INPP4B: variants seen among roughly 807,000 people sequenced by gnomAD.
INPP4B encodes inositol polyphosphate 4-phosphatase type II.
INPP4B carries 55 observed loss-of-function variants against 122.5 expected under a neutral mutation model. The observed-to-expected ratio is 0.45, with a 90% CI of 0.36 to 0.56. The LOEUF is 0.56. INPP4B is among the 20% of genes least tolerant of loss of function. INPP4B has a pLI of 0.00. For missense variants in INPP4B, 1,000 were observed against 1,097.7 expected (o/e 0.91, Z 1.26); for synonymous variants, 403 against 388.7 (o/e 1.04, Z -0.43).
chr4:142,620,106 A>G (rs1744565348), intron 2 of INPP4B, among the ~76,000 whole-genome samples: 1 of 152,018 alleles, frequency 6.6e-6, no homozygotes, highest in African/African-American at 2.4e-5. Flanking sequence ...GATTTCTTAA[A>G]GAAATTAAAA....
chr4:142,252,082 G>A (rs771980069), intron 11 of INPP4B, among the ~76,000 whole-genome samples: 1 of 152,006 alleles, frequency 6.6e-6, no homozygotes, highest in Non-Finnish European at 1.5e-5. Flanking sequence ...TTCCTCATTT[G>A]TGAAATATGG....
intron 7 of INPP4B, among the ~76,000 whole-genome samples, chr4:142,330,134 G>A (rs1458514078): frequency 6.6e-6 from 1 of 152,100 alleles, no homozygotes; most frequent in Non-Finnish European, 1.5e-5. Context: ...TATCTTCATT[G>A]TTACTTATCT....
rs754877383 is a variant in INPP4B, at chr4:142,082,060, G to A, written c.2613C>T (p.Phe871=). ...LRDEHQLHKD[F]FIRALDCMRR... Reference sequence around the variant, plus strand: ...TCATGCAATCCAGCGCTCGGATAAAGAAGTCCTTGTGTAACTGGTGCTCAT... The same window carrying A: ...TCATGCAATCCAGCGCTCGGATAAAAAAGTCCTTGTGTAACTGGTGCTCAT... Residue 871 remains phenylalanine (F), a synonymous_variant, in exon 25 of 26, where the codon TTC becomes TTT. Coordinates refer to ENST00000262992, the MANE Select transcript of INPP4B (RefSeq NM_001101669.3). 6.8e-7 allele frequency: 1 copy of A among 1,473,690 alleles called. No homozygotes were observed. The highest frequency in any genetic ancestry group is 2.3e-5 in the East Asian group (1 of 43,304). The allele number at this position is 1,473,690 out of a possible 1,614,324, so 91.3% of individuals were successfully genotyped here. A position where few individuals can be genotyped will look rare whatever the true frequency, so the allele number is the denominator to read the frequency against.
intron 1 of INPP4B, among the ~76,000 whole-genome samples, chr4:142,729,124 G>A (rs970976178): frequency 2.6e-4 from 39 of 152,130 alleles, no homozygotes; most frequent in Non-Finnish European, 4.1e-4. Context: ...TGCATGTGCA[G>A]CTCACAAGAG....
At chr4:142,299,243 C>T (rs571017867) in intron 9 of INPP4B, among the ~76,000 whole-genome samples, 2 of 123,792 alleles carry the variant, frequency 1.6e-5, no homozygotes, top group South Asian at 2.4e-4. Context: ...ACTGCAACTT[C>T]ACCCTCCTGG....
intron 9 of INPP4B, among the ~76,000 whole-genome samples, chr4:142,289,677 C>T (rs1755489256): frequency 6.6e-6 from 1 of 152,120 alleles, no homozygotes; most frequent in East Asian, 1.9e-4. Context: ...TAATGGCATC[C>T]ATCTCCATCC....
intron 14 of INPP4B, among the ~76,000 whole-genome samples, chr4:142,201,406 G>A (rs927080275): frequency 1.3e-5 from 2 of 151,960 alleles, no homozygotes; most frequent in Non-Finnish European, 2.9e-5. Flanking sequence ...TATTATCTTA[G>A]GTAATCTTCT....
intron 4 of INPP4B, among the ~76,000 whole-genome samples, chr4:142,430,454 T>C (rs1271986879): frequency 6.6e-6 from 1 of 152,096 alleles, no homozygotes; most frequent in Non-Finnish European, 1.5e-5. Context: ...AAAGAGAAGG[T>C]TAGGCATATA....
chr4:142,742,407 A>T (rs1327618075), intron 1 of INPP4B, among the ~76,000 whole-genome samples: 1 of 152,000 alleles, frequency 6.6e-6, no homozygotes, highest in African/African-American at 2.4e-5. Context: ...TCTGATTCCA[A>T]CTAACAAAAC....
intron 2 of INPP4B, among the ~76,000 whole-genome samples, chr4:142,483,849 G>T (rs1396991350): frequency 6.6e-6 from 1 of 152,034 alleles, no homozygotes; most frequent in Non-Finnish European, 1.5e-5. Context: ...AGGATCCAGG[G>T]CTCTGAATTA....
chr4:142,270,933 TTGTG>T lies in INPP4B; in HGVS notation c.504-163_504-160del, dbSNP rs58469157. Among the ~76,000 whole-genome samples the T allele has an allele frequency of 2.2e-3, 332 of 148,642 alleles. 3 individuals carry two copies. Among genetic ancestry groups the T allele is most frequent in the African/African-American group, 7.7e-3 (311 of 40,484 alleles). On this transcript the variant is annotated intron_variant, in intron 9 of 25. Coordinates refer to ENST00000262992, the MANE Select transcript of INPP4B (RefSeq NM_001101669.3). ...CAAAACATGTTAATAGGGTAGGTGT[TTGTG>T]TGTGTGTGTGTGTGTGTGTGTGTTT... is the stretch of plus-strand genomic sequence containing the variant.
At chr4:142,247,670 TTCTCC>T (rs1236660479) in intron 11 of INPP4B, among the ~76,000 whole-genome samples, 1 of 152,172 alleles carries the variant, frequency 6.6e-6, no homozygotes, top group Non-Finnish European at 1.5e-5. Context: ...GCCTATTTGA[TTCTCC>T]TCTCTTTTGT....
intron 2 of INPP4B, among the ~76,000 whole-genome samples, chr4:142,482,799 C>T (rs1820724832): frequency 6.6e-6 from 1 of 152,062 alleles, no homozygotes; most frequent in Non-Finnish European, 1.5e-5. Context: ...AGTACTTCTC[C>T]TTTGTCTCAT....
intron 7 of INPP4B, among the ~76,000 whole-genome samples, chr4:142,356,586 A>G (rs1485034836): frequency 2.0e-5 from 3 of 151,896 alleles, no homozygotes; most frequent in Admixed American, 2.0e-4. Flanking sequence ...AGTAGTACAA[A>G]TAACATATTT....
intron 2 of INPP4B, among the ~76,000 whole-genome samples, chr4:142,613,618 G>A (rs1020130352): frequency 3.3e-5 from 5 of 152,132 alleles, no homozygotes; most frequent in African/African-American, 1.2e-4. Flanking sequence ...TTTCTGTCCA[G>A]AATCTCATGT....
At chr4:142,660,046 C>A (rs1754880571) in intron 2 of INPP4B, among the ~76,000 whole-genome samples, 1 of 152,146 alleles carries the variant, frequency 6.6e-6, no homozygotes, top group Non-Finnish European at 1.5e-5. Flanking sequence ...TAAGCCAACC[C>A]CAAGCTTCCT....
chr4:142,693,109 C>T (rs10000770), intron 2 of INPP4B, among the ~76,000 whole-genome samples: 16,276 of 151,844 alleles, frequency 0.11, 892 homozygotes, highest in African/African-American at 0.12. Context: ...TGTAAATGGA[C>T]GGAGTTATCT....
At chr4:142,236,609 C>T (rs1020410012) in intron 12 of INPP4B, among the ~76,000 whole-genome samples, 1 of 152,080 alleles carries the variant, frequency 6.6e-6, no homozygotes, top group Non-Finnish European at 1.5e-5. Context: ...GTCTTTATTT[C>T]CCTAGATGCA....
At chr4:142,533,248 T>C (rs1827828819) in intron 2 of INPP4B, among the ~76,000 whole-genome samples, 1 of 152,140 alleles carries the variant, frequency 6.6e-6, no homozygotes, top group Non-Finnish European at 1.5e-5. Flanking sequence ...TTTCCACTGC[T>C]CTGTAGCAAT....
Sources: allele counts gnomAD v4.1 joint callset (sites outside exome capture counted in the v4.1 genomes callset), GRCh38; gene constraint gnomAD v4.1.1; transcripts MANE v1.5; gene names NCBI Gene and HGNC (gene_info 2026-07-23, HGNC 2026-07-21).